Variants in VPS13B observed in about 807,000 individuals in gnomAD.
VPS13B encodes the protein vacuolar protein sorting 13 homolog B, also known as intermembrane lipid transfer protein VPS13B.
VPS13B carries 285 observed loss-of-function variants against 426.4 expected under a neutral mutation model. The ratio of observed to expected loss-of-function variants is 0.67; its 90% CI spans 0.61 to 0.74. The LOEUF (loss-of-function observed/expected upper bound fraction) is 0.74, where lower values mean the gene tolerates loss of function less well. VPS13B is among the 30% of genes least tolerant of loss of function. The pLI is 0.00. For missense variants in VPS13B, 4,537 were observed against 4,782.6 expected, an observed-to-expected ratio of 0.95 and a Z score of 1.51; for synonymous variants, 1,676 against 1,676.4, an observed-to-expected ratio of 1.00 and a Z score of 0.01.
chr8:99,550,323 T>C (rs146627714), intron 30 of VPS13B, among the ~76,000 whole-genome samples: 57 of 152,106 alleles, frequency 3.7e-4, no homozygotes, highest in African/African-American at 1.3e-3. Flanking sequence ...AGAAGTAATG[T>C]TATATTTGGT....
At chr8:99,481,466 G>C (rs1820034716) in intron 24 of VPS13B, 133 bp from the exon 25 acceptor site, 3 of 959,930 alleles carry the variant, frequency 3.1e-6, no homozygotes, top group Non-Finnish European at 4.9e-6. Context: ...AAAGTGATCA[G>C]TGATGCATTG....
chr8:99,814,884 A>T (rs1457853803), intron 44 of VPS13B, among the ~76,000 whole-genome samples: 2 of 152,164 alleles, frequency 1.3e-5, no homozygotes, highest in Admixed American at 1.3e-4. Flanking sequence ...AACTTTTCTT[A>T]ATGAGTAGAT....
chr8:99,480,521 TTCTC>T (rs1398931222), intron 24 of VPS13B, among the ~76,000 whole-genome samples: 13 of 152,200 alleles, frequency 8.5e-5, no homozygotes, highest in African/African-American at 2.7e-4. Flanking sequence ...ACAAAATTGT[TTCTC>T]TATAGAGAGA....
chr8:99,871,862 C>T (rs1260835974), intron 61 of VPS13B, among the ~76,000 whole-genome samples, 165 bp downstream of exon 61: 1 of 152,204 alleles, frequency 6.6e-6, no homozygotes, highest in Non-Finnish European at 1.5e-5. Context: ...CGGAGGGCCG[C>T]TGCGAAAGGG....
chr8:99,386,673 G>A (rs949069064), intron 20 of VPS13B, among the ~76,000 whole-genome samples: 2 of 152,040 alleles, frequency 1.3e-5, no homozygotes, highest in Non-Finnish European at 2.9e-5. Flanking sequence ...TATATTTTTC[G>A]AATTCAGAAA....
chr8:99,229,405 T>C (rs1016404682), intron 17 of VPS13B, among the ~76,000 whole-genome samples: 2 of 152,212 alleles, frequency 1.3e-5, no homozygotes, highest in Non-Finnish European at 2.9e-5. Flanking sequence ...ATCATGCTCC[T>C]TGTAGCCAGG....
intron 33 of VPS13B, among the ~76,000 whole-genome samples, chr8:99,587,316 A>G (rs1439098359): frequency 6.6e-6 from 1 of 152,182 alleles, no homozygotes; most frequent in Non-Finnish European, 1.5e-5. Context: ...AGCATGATTT[A>G]TAATCCTATG....
chr8:99,103,493 C>CTTTT (rs71273162), intron 5 of VPS13B, among the ~76,000 whole-genome samples: 4 of 49,528 alleles, frequency 8.1e-5, no homozygotes, highest in African/African-American at 1.8e-4. Context: ...CTATGCCCGG[C>CTTTT]TTTTTTTTTT....
chr8:99,031,771 A>T (rs900032214), intron 2 of VPS13B, among the ~76,000 whole-genome samples: 1 of 152,168 alleles, frequency 6.6e-6, no homozygotes, highest in Non-Finnish European at 1.5e-5. Context: ...GCTGGTCCTT[A>T]GTCCCTGAGA....
chr8:99,103,217 G>A, intron 5 of VPS13B, 97 bp downstream of exon 5: 4 of 1,414,754 alleles, frequency 2.8e-6, no homozygotes, highest in Non-Finnish European at 4.0e-6. Flanking sequence ...GCTGGTAAAT[G>A]TTATCAAATC....
chr8:99,672,476 C>T (rs1246926181), intron 35 of VPS13B, among the ~76,000 whole-genome samples: 2 of 152,084 alleles, frequency 1.3e-5, no homozygotes, highest in African/African-American at 4.8e-5. Flanking sequence ...TTTAATCACG[C>T]AAATTCACTG....
rs572366301 is a variant in VPS13B, at chr8:99,409,576, C to CA, written c.3082+17878dup. ...AATTAGATATGTCAAATTAAATTACCAAAAAATAATCAAATTTTTAGGCCT... is the reference window on the plus strand; with the variant it reads ...AATTAGATATGTCAAATTAAATTACCAAAAAAATAATCAAATTTTTAGGCCT... On this transcript the variant is annotated intron_variant, in intron 21 of 61. Transcript: ENST00000357162. 6.6e-4 allele frequency among the ~76,000 whole-genome samples: 100 copies of CA among 152,010 alleles called. 1 individual carries two copies. Among genetic ancestry groups the CA allele is most frequent in the South Asian group, 4.4e-3 (21 of 4,820 alleles).
intron 19 of VPS13B, among the ~76,000 whole-genome samples, chr8:99,338,337 A>C (rs1375811319): frequency 6.6e-6 from 1 of 152,108 alleles, no homozygotes; most frequent in Non-Finnish European, 1.5e-5. Context: ...AACGTAGTGT[A>C]TCTCATCATT....
chr8:99,193,787 A>T (rs959699420), intron 17 of VPS13B, among the ~76,000 whole-genome samples: 1 of 152,164 alleles, frequency 6.6e-6, no homozygotes, highest in African/African-American at 2.4e-5. Flanking sequence ...TGACATCATA[A>T]TTAGAGTTTT....
At chr8:99,085,358 A>C (rs1375988430) in intron 3 of VPS13B, among the ~76,000 whole-genome samples, 1 of 152,144 alleles carries the variant, frequency 6.6e-6, no homozygotes, top group Non-Finnish European at 1.5e-5. Flanking sequence ...TCTGCACATG[A>C]GATGGGTTTC....
chr8:99,303,594 G>C (rs949923154), intron 19 of VPS13B, among the ~76,000 whole-genome samples: 6 of 151,048 alleles, frequency 4.0e-5, no homozygotes, highest in African/African-American at 1.5e-4. Flanking sequence ...TAGAATATGT[G>C]TTTCTTCGCC....
intron 54 of VPS13B, among the ~76,000 whole-genome samples, chr8:99,839,926 T>A (rs1815596183): frequency 6.6e-6 from 1 of 152,226 alleles, no homozygotes; most frequent in Admixed American, 6.5e-5. Context: ...TCACAGATTG[T>A]TTATTTCCCC....
intron 24 of VPS13B, among the ~76,000 whole-genome samples, chr8:99,478,039 A>G (rs1819787025): frequency 6.6e-6 from 1 of 152,016 alleles, no homozygotes; most frequent in Admixed American, 6.6e-5. Context: ...ACTTGAGCTC[A>G]GGAGTTTGAG....
chr8:99,858,196 G>A (rs1426946369), intron 56 of VPS13B, among the ~76,000 whole-genome samples: 1 of 152,226 alleles, frequency 6.6e-6, no homozygotes, highest in African/African-American at 2.4e-5. Flanking sequence ...GCTTCCCGGA[G>A]AAAGCTGTCT....
Sources: allele counts gnomAD v4.1 joint callset (sites outside exome capture counted in the v4.1 genomes callset), GRCh38; gene constraint gnomAD v4.1.1; transcripts MANE v1.5; gene names NCBI Gene and HGNC (gene_info 2026-07-23, HGNC 2026-07-21).